KLF8: variants seen among roughly 807,000 people sequenced by gnomAD.
The protein encoded by KLF8 is Krueppel-like factor 8.
Under a neutral mutation model 18.2 loss-of-function variants are expected in KLF8, and 10 were observed. The observed-to-expected ratio is 0.55, with a 90% CI of 0.34 to 0.93. The LOEUF is 0.93. KLF8 is among the 40% of genes least tolerant of loss of function. The pLI is 0.02. For synonymous variants in KLF8, 109 were observed against 97.3 expected (o/e 1.12, Z -0.71); for missense variants, 264 against 277.9 (o/e 0.95, Z 0.36).
At chrX:55,986,263 G>C in the KLF8 span, among the ~76,000 whole-genome samples, 1 of 111,806 alleles carries the variant, frequency 8.9e-6, no homozygotes, top group Non-Finnish European at 1.9e-5. Flanking sequence ...GTGTGATATT[G>C]TCTGTGGATT....
chrX:55,992,157 A>T, the KLF8 span, among the ~76,000 whole-genome samples: 2 of 112,454 alleles, frequency 1.8e-5, no homozygotes, highest in South Asian at 7.3e-4. Context: ...TGGAGTCTTC[A>T]TCATGAAATA....
the KLF8 span, among the ~76,000 whole-genome samples, chrX:55,913,963 T>G: frequency 2.7e-5 from 3 of 111,730 alleles, no homozygotes; most frequent in Non-Finnish European, 5.7e-5. Context: ...TAGCTAAGTT[T>G]CAAAGAATAT....
chrX:56,002,429 G>GTA, the KLF8 span, among the ~76,000 whole-genome samples: 1 of 103,516 alleles, frequency 9.7e-6, no homozygotes, highest in African/African-American at 4.0e-5. Context: ...GTGTGTGTGT[G>GTA]TGTGTGTGTG....
At chrX:56,008,475 T>C in the KLF8 span, among the ~76,000 whole-genome samples, 6 of 112,224 alleles carry the variant, frequency 5.3e-5, no homozygotes, top group Admixed American at 9.4e-5. Flanking sequence ...GCAATTGTTC[T>C]ATCCCACATG....
the KLF8 span, among the ~76,000 whole-genome samples, chrX:56,000,204 G>T: frequency 1.8e-5 from 2 of 110,567 alleles, no homozygotes; most frequent in African/African-American, 6.6e-5. Flanking sequence ...ACTTAATCAT[G>T]GTGAATTATT....
the KLF8 span, among the ~76,000 whole-genome samples, chrX:56,044,011 G>T: frequency 9.3e-6 from 1 of 108,063 alleles, no homozygotes; most frequent in Non-Finnish European, 1.9e-5. Flanking sequence ...TGATGTTGTT[G>T]TTGTTTTCTG....
At chrX:55,944,926 G>T in the KLF8 span, among the ~76,000 whole-genome samples, 375 of 110,784 alleles carry the variant, frequency 3.4e-3, no homozygotes, top group African/African-American at 0.012. Context: ...TGATGTTAGG[G>T]TGTCAATTTT....
chrX:56,047,510 G>A, the KLF8 span, among the ~76,000 whole-genome samples: 10 of 106,846 alleles, frequency 9.4e-5, no homozygotes, highest in South Asian at 4.3e-4. Context: ...GTGAAAACAT[G>A]TGGTGTTTGG....
intron 3 of KLF8, chrX:56,266,869 T>C (rs1483196217): frequency 1.3e-6 from 1 of 752,178 alleles, no homozygotes; most frequent in Non-Finnish European, 1.6e-6. Flanking sequence ...CTACTAAGCA[T>C]CAAGTTGCTG....
chrX:56,076,931 A>C, the KLF8 span, among the ~76,000 whole-genome samples: 3 of 111,850 alleles, frequency 2.7e-5, no homozygotes, highest in South Asian at 7.5e-4. Context: ...TGGCTGCATA[A>C]ATGTCTTCTT....
the KLF8 span, among the ~76,000 whole-genome samples, chrX:56,066,315 A>C: frequency 1.8e-5 from 2 of 112,128 alleles, no homozygotes; most frequent in Non-Finnish European, 3.8e-5. Context: ...AGGCCCCCAG[A>C]TGTTGGCCTC....
chrX:56,052,554 G>T, the KLF8 span, among the ~76,000 whole-genome samples: 1 of 111,734 alleles, frequency 8.9e-6, no homozygotes, highest in East Asian at 2.8e-4. Context: ...GCCCCTGCTG[G>T]GGGGTGCGTC....
the KLF8 span, among the ~76,000 whole-genome samples, chrX:56,038,546 C>G: frequency 8.9e-6 from 1 of 112,581 alleles, no homozygotes; most frequent in Non-Finnish European, 1.9e-5. Flanking sequence ...AGAACATGAT[C>G]TCATTACCTT....
the KLF8 span, among the ~76,000 whole-genome samples, chrX:56,172,646 GAATTT>G: frequency 8.9e-6 from 1 of 111,896 alleles, no homozygotes; most frequent in Non-Finnish European, 1.9e-5. Flanking sequence ...GGGTCAAATA[GAATTT>G]CTAGTTCTAG....
chrX:55,934,718 T>G, the KLF8 span, among the ~76,000 whole-genome samples: 1 of 112,375 alleles, frequency 8.9e-6, no homozygotes, highest in Non-Finnish European at 1.9e-5. Flanking sequence ...ACAATGTTAT[T>G]CGTGCAAGGG....
chrX:55,942,669 T>G, the KLF8 span, among the ~76,000 whole-genome samples: 2 of 111,420 alleles, frequency 1.8e-5, no homozygotes, highest in African/African-American at 6.5e-5. Context: ...TCGATTGGGT[T>G]GCATAGGGAA....
At chrX:55,922,827 C>G in the KLF8 span, among the ~76,000 whole-genome samples, 1 of 111,945 alleles carries the variant, frequency 8.9e-6, no homozygotes, top group African/African-American at 3.2e-5. Context: ...CCAGAAACAA[C>G]AGATGCTGGT....
chrX:56,078,280 G>T, the KLF8 span, among the ~76,000 whole-genome samples: 1 of 111,839 alleles, frequency 8.9e-6, no homozygotes, highest in Non-Finnish European at 1.9e-5. Context: ...CTGTGGGTTT[G>T]TCATAGATAG....
chrX:56,285,304 A>G lies in KLF8; in HGVS notation c.*810A>G, dbSNP rs905848548. 8.9e-6 allele frequency: 1 copy of G among 111,963 alleles called. No individual in the cohort carries two copies. The highest frequency in any genetic ancestry group is 3.3e-5 in the African/African-American group (1 of 30,751). The allele number at this position is 111,963 out of a possible 1,213,427, so 9.2% of individuals were successfully genotyped here. Reference sequence around the variant, plus strand: ...ATATAAGTAAGGAGAAAAATGTTCCAGGAGAGTAGGTTGGGCAGTGACAGG... The same window carrying G: ...ATATAAGTAAGGAGAAAAATGTTCCGGGAGAGTAGGTTGGGCAGTGACAGG... On this transcript the variant is annotated 3_prime_UTR_variant, in exon 6 of 6. Transcript: ENST00000468660.
Sources: gnomAD v4.1 joint callset for allele counts (sites outside exome capture counted in the v4.1 genomes callset) on GRCh38, gnomAD v4.1.1 for gene constraint, MANE v1.5 for transcripts, NCBI Gene and HGNC (gene_info 2026-07-23, HGNC 2026-07-21) for gene names.